Variants in DAB1 observed in about 807,000 individuals in gnomAD.
DAB1 encodes disabled homolog 1.
Under a neutral mutation model 64.6 loss-of-function variants are expected in DAB1, and 15 were observed. The ratio of observed to expected loss-of-function variants is 0.23; its 90% CI spans 0.16 to 0.36. DAB1 has a LOEUF of 0.36. Among genes scored for constraint, DAB1 ranks in the 10% least tolerant of loss-of-function variants. The pLI is 1.00. For synonymous variants in DAB1, 235 were observed against 251.9 expected (o/e 0.93, Z 0.64); for missense variants, 596 against 706.7 (o/e 0.84, Z 1.78).
chr1:57,325,717 A>C (rs1265748346), intron 1 of DAB1, among the ~76,000 whole-genome samples: 1 of 152,132 alleles, frequency 6.6e-6, no homozygotes, highest in Admixed American at 6.5e-5. Flanking sequence ...TGTTTAAGTG[A>C]ATTATTAAAG....
intron 4 of DAB1, among the ~76,000 whole-genome samples, chr1:58,331,907 A>G (rs1662977361): frequency 6.6e-6 from 1 of 152,240 alleles, no homozygotes; most frequent in African/African-American, 2.4e-5. Flanking sequence ...ATAAATGTTT[A>G]TGGAACGCAT....
intron 5 of DAB1, among the ~76,000 whole-genome samples, chr1:58,066,965 G>A (rs568208395): frequency 3.3e-5 from 5 of 152,144 alleles, no homozygotes; most frequent in African/African-American, 7.2e-5. Context: ...CTCCGGCCTC[G>A]CCATTCTCCT....
intron 5 of DAB1, among the ~76,000 whole-genome samples, chr1:58,078,546 C>G (rs1355633114): frequency 6.6e-6 from 1 of 152,094 alleles, no homozygotes; most frequent in Non-Finnish European, 1.5e-5. Flanking sequence ...ATGATGTTAG[C>G]TCCCTGCAGC....
Position 57,014,903 on chromosome 1 carries a change from G to A in DAB1, c.1424C>T (p.Thr475Ile). The A allele has an allele frequency of 1.3e-6, 2 of 1,585,330 alleles. No homozygotes were observed. The highest frequency in any genetic ancestry group is 1.7e-5 in the Admixed American group (1 of 58,136). ...SQLNLTPVTS[T>I]TPSTNSPPTP... ...CTCACGTGAGTTGGTCGATGGTGTG[G>A]TAGAAGTCACAGGGGTCAAATTCAA... The change falls in exon 12 of 15, where the codon ACC (threonine) becomes ATC (isoleucine). Residue 475 changes from threonine (T) to isoleucine (I), a missense_variant. Thr to Ile is a moderately conservative substitution (Grantham distance 89, BLOSUM62 -1). This residue lies in a region of DAB1 where 377 missense variants were observed against 400.4 expected (regional missense o/e 0.94). Transcript: ENST00000371236.
At chr1:58,395,026 A>G (rs1644507625) in intron 3 of DAB1, among the ~76,000 whole-genome samples, 1 of 151,972 alleles carries the variant, frequency 6.6e-6, no homozygotes, top group Admixed American at 6.6e-5. Context: ...GAGTCATGGA[A>G]AGCCTCCGAC....
At chr1:57,594,927 T>G (rs1376502016) in intron 7 of DAB1, among the ~76,000 whole-genome samples, 2 of 151,824 alleles carry the variant, frequency 1.3e-5, no homozygotes, top group Non-Finnish European at 2.9e-5. Flanking sequence ...AGCCAGGATG[T>G]TCTCGATCTC....
intron 5 of DAB1, among the ~76,000 whole-genome samples, chr1:57,904,755 A>G (rs1185217008): frequency 6.6e-6 from 1 of 152,180 alleles, no homozygotes; most frequent in Admixed American, 6.5e-5. Context: ...AAGGATCTAA[A>G]ATAAAGCCAG....
intron 3 of DAB1, among the ~76,000 whole-genome samples, chr1:58,380,643 A>T (rs1032397443): frequency 6.6e-6 from 1 of 152,220 alleles, no homozygotes; most frequent in Non-Finnish European, 1.5e-5. Flanking sequence ...AGAAGATAGG[A>T]TTGGAGCAGA....
chr1:58,494,541 G>C (rs1387913796), intron 3 of DAB1, among the ~76,000 whole-genome samples: 1 of 152,096 alleles, frequency 6.6e-6, no homozygotes, highest in Admixed American at 6.6e-5. Context: ...CTAATATCCA[G>C]AATCTACAAT....
intron 3 of DAB1, among the ~76,000 whole-genome samples, chr1:58,465,738 C>T (rs1466458355): frequency 6.6e-6 from 1 of 152,158 alleles, no homozygotes; most frequent in East Asian, 1.9e-4. Flanking sequence ...TTATTGGGCA[C>T]TTACCATGTG....
intron 5 of DAB1, among the ~76,000 whole-genome samples, chr1:58,113,955 G>T (rs1468220245): frequency 1.3e-5 from 2 of 152,040 alleles, no homozygotes; most frequent in Admixed American, 6.6e-5. Flanking sequence ...TCTCTTATAA[G>T]TTAATTTCTG....
At chr1:58,492,374 C>T (rs1645711811) in intron 3 of DAB1, among the ~76,000 whole-genome samples, 1 of 152,056 alleles carries the variant, frequency 6.6e-6, no homozygotes, top group South Asian at 2.1e-4. Flanking sequence ...CAAGAGCAAA[C>T]ACATTCAAAA....
intron 5 of DAB1, among the ~76,000 whole-genome samples, chr1:58,112,762 G>T (rs1652047275): frequency 6.6e-6 from 1 of 152,142 alleles, no homozygotes; most frequent in Non-Finnish European, 1.5e-5. Context: ...AAATCCTTCA[G>T]CCAGGCATAT....
intron 3 of DAB1, among the ~76,000 whole-genome samples, chr1:58,386,326 G>A (rs1337545190): frequency 1.3e-5 from 2 of 152,120 alleles, no homozygotes; most frequent in African/African-American, 4.8e-5. Flanking sequence ...CTACACTCAA[G>A]GTTAATGAGA....
At chr1:58,530,026 G>C (rs955302206) in intron 1 of DAB1, among the ~76,000 whole-genome samples, 2 of 151,698 alleles carry the variant, frequency 1.3e-5, no homozygotes, top group Admixed American at 1.3e-4. Flanking sequence ...GACTACAGGC[G>C]CCCGCCACAA....
intron 5 of DAB1, among the ~76,000 whole-genome samples, chr1:57,985,070 A>G (rs1646180865): frequency 6.6e-6 from 1 of 152,140 alleles, no homozygotes; most frequent in South Asian, 2.1e-4. Flanking sequence ...ACCAGGCCCA[A>G]CTAATTTTTG....
chr1:57,012,124 T>C (rs1159020415), intron 12 of DAB1, among the ~76,000 whole-genome samples: 1 of 152,236 alleles, frequency 6.6e-6, no homozygotes, highest in East Asian at 1.9e-4. Context: ...TACTGGTTAC[T>C]GGCTAAGACC....
At chr1:57,616,997 A>G (rs1008864601) in intron 7 of DAB1, among the ~76,000 whole-genome samples, 1 of 152,140 alleles carries the variant, frequency 6.6e-6, no homozygotes, top group Non-Finnish European at 1.5e-5. Flanking sequence ...TGGGCATCAG[A>G]TTTCTCACCT....
intron 4 of DAB1, among the ~76,000 whole-genome samples, chr1:58,309,069 A>G (rs1326801049): frequency 2.6e-5 from 4 of 152,192 alleles, no homozygotes; most frequent in African/African-American, 9.6e-5. Context: ...AGAAGAAGAA[A>G]AAAGCTTAGC....
Sources: gnomAD v4.1 joint callset for allele counts (sites outside exome capture counted in the v4.1 genomes callset) on GRCh38, gnomAD v4.1.1 for gene constraint, gnomAD v4.1.1 regional missense constraint, MANE v1.5 for transcripts, NCBI Gene and HGNC (gene_info 2026-07-23, HGNC 2026-07-21) for gene names.